The following ADCY2 variants were observed in gnomAD, a reference collection of about 807,000 sequenced individuals.
ADCY2 encodes the protein adenylate cyclase 2.
In ADCY2, 31 loss-of-function variants were observed where a neutral mutation model predicts 125.2. The ratio of observed to expected loss-of-function variants is 0.25; its 90% CI spans 0.19 to 0.33. ADCY2 has a LOEUF of 0.33. ADCY2 is among the 10% of genes least tolerant of loss of function. ADCY2 has a pLI of 1.00. For missense variants in ADCY2, 904 were observed against 1,418.2 expected, an observed-to-expected ratio of 0.64 and a Z score of 5.82; for synonymous variants, 512 against 548.4, an observed-to-expected ratio of 0.93 and a Z score of 0.93.
rs138237169 is a variant in ADCY2 at position 7,662,423 on chromosome 5, G to C, written c.721-28268G>C. On this transcript the variant is annotated intron_variant, in intron 4 of 24. Transcript: ENST00000338316. ...AGATAACAGCTGCTGCCCCCTCCAC[G>C]GCATAGTGGCCACCAGCACGGAAGT... Among the ~76,000 whole-genome samples the C allele has an allele frequency of 1.2e-3, 187 of 152,260 alleles. 2 individuals carry two copies. Among genetic ancestry groups the C allele is most frequent in the African/African-American group, 4.4e-3 (182 of 41,556 alleles).
intron 2 of ADCY2, among the ~76,000 whole-genome samples, chr5:7,427,437 G>A (rs1740426056): frequency 6.6e-6 from 1 of 152,184 alleles, no homozygotes; most frequent in Non-Finnish European, 1.5e-5. Flanking sequence ...TCACAAGACA[G>A]CAGCAGGGAG....
chr5:7,448,673 C>G (rs180685483), intron 2 of ADCY2, among the ~76,000 whole-genome samples: 2 of 152,182 alleles, frequency 1.3e-5, no homozygotes, highest in Admixed American at 1.3e-4. Context: ...GTTGTTCCCC[C>G]ACATGTGTCC....
chr5:7,704,746 C>A (rs11739425), intron 7 of ADCY2, among the ~76,000 whole-genome samples: 1 of 151,920 alleles, frequency 6.6e-6, no homozygotes, highest in Non-Finnish European at 1.5e-5. Context: ...GGCGGTTTGG[C>A]GTGCGCCTGT....
chr5:7,470,328 G>C (rs1417963794), intron 2 of ADCY2, among the ~76,000 whole-genome samples: 1 of 151,364 alleles, frequency 6.6e-6, no homozygotes, highest in Non-Finnish European at 1.5e-5. Flanking sequence ...TTGTCTCTCA[G>C]GGCTCACTTG....
chr5:7,786,086 G>A (rs1744075706), intron 19 of ADCY2, among the ~76,000 whole-genome samples: 1 of 152,024 alleles, frequency 6.6e-6, no homozygotes, highest in Non-Finnish European at 1.5e-5. Context: ...ACATCTAGAG[G>A]CCTAGAAAAA....
chr5:7,763,692 G>T (rs1743302544), intron 16 of ADCY2, among the ~76,000 whole-genome samples: 3 of 152,132 alleles, frequency 2.0e-5, no homozygotes, highest in Non-Finnish European at 4.4e-5. Flanking sequence ...TCTGTGTCTG[G>T]CTCCTTGCCC....
intron 17 of ADCY2, among the ~76,000 whole-genome samples, chr5:7,770,697 A>G (rs1408636469): frequency 6.6e-6 from 1 of 152,198 alleles, no homozygotes; most frequent in Non-Finnish European, 1.5e-5. Flanking sequence ...GGATCACTGA[A>G]TAAGAGCCTT....
At chr5:7,625,435 C>T (rs1237986909) in intron 3 of ADCY2, among the ~76,000 whole-genome samples, 3 of 152,098 alleles carry the variant, frequency 2.0e-5, no homozygotes, top group East Asian at 1.9e-4. Flanking sequence ...CAGACAAGGC[C>T]GTATGGAAAG....
At chr5:7,639,282 A>T (rs189371811) in intron 4 of ADCY2, among the ~76,000 whole-genome samples, 1 of 152,346 alleles carries the variant, frequency 6.6e-6, no homozygotes, top group African/African-American at 2.4e-5. Context: ...GTTCTGCACT[A>T]GCTTGCTCTT....
intron 2 of ADCY2, among the ~76,000 whole-genome samples, chr5:7,457,459 G>T (rs1468852757): frequency 1.3e-5 from 2 of 152,094 alleles, no homozygotes; most frequent in African/African-American, 4.8e-5. Context: ...GCTCTTCCAG[G>T]ATTCCTAGAG....
chr5:7,429,316 T>G (rs1371345965), intron 2 of ADCY2, among the ~76,000 whole-genome samples: 3 of 152,244 alleles, frequency 2.0e-5, no homozygotes, highest in Non-Finnish European at 4.4e-5. Context: ...CCATGTTTAC[T>G]CAGAGATTTT....
chr5:7,662,153 C>A (rs775009918), intron 4 of ADCY2, among the ~76,000 whole-genome samples: 11 of 152,134 alleles, frequency 7.2e-5, no homozygotes, highest in Admixed American at 2.0e-4. Context: ...GTTATTGGTA[C>A]AACACACACA....
intron 3 of ADCY2, among the ~76,000 whole-genome samples, chr5:7,560,899 G>A (rs1205634365): frequency 6.6e-6 from 1 of 152,112 alleles, no homozygotes; most frequent in Non-Finnish European, 1.5e-5. Context: ...TGTTGGCCAG[G>A]CTGGTCTCGA....
Position 7,615,397 on chromosome 5 carries a change from C to G in ADCY2, c.571-10770C>G, listed in dbSNP as rs190387710. 2.4e-3 allele frequency among the ~76,000 whole-genome samples: 373 copies of G among 152,272 alleles called. 1 individual carries two copies. The highest frequency in any genetic ancestry group is 3.1e-3 in the Non-Finnish European group (210 of 68,032). On this transcript the variant is annotated intron_variant, in intron 3 of 24. Transcript: ENST00000338316. ...TCATGTGACTTATAGCTCTTTCTTGCAAGCCATCTTTTTCAAGTGAGAACT... is the reference window on the plus strand; with the variant it reads ...TCATGTGACTTATAGCTCTTTCTTGGAAGCCATCTTTTTCAAGTGAGAACT...
At chr5:7,753,681 C>T (rs1742898391) in intron 15 of ADCY2, among the ~76,000 whole-genome samples, 1 of 152,170 alleles carries the variant, frequency 6.6e-6, no homozygotes, top group South Asian at 2.1e-4. Flanking sequence ...TCAAGGGTCT[C>T]CATTTTTCTT....
chr5:7,714,476 A>G (rs1434420678), intron 11 of ADCY2, among the ~76,000 whole-genome samples: 1 of 152,204 alleles, frequency 6.6e-6, no homozygotes, highest in Non-Finnish European at 1.5e-5. Context: ...TAGAAACTCT[A>G]ATTTGGTCTC....
intron 19 of ADCY2, among the ~76,000 whole-genome samples, chr5:7,787,730 G>A (rs4702495): frequency 0.31 from 47,086 of 151,952 alleles, 8,282 homozygotes; most frequent in Non-Finnish European, 0.4. Context: ...ATGTCATTTC[G>A]GTTCAGTACA....
intron 14 of ADCY2, among the ~76,000 whole-genome samples, chr5:7,733,868 A>T (rs767287556): frequency 4.6e-5 from 7 of 152,116 alleles, no homozygotes; most frequent in African/African-American, 7.2e-5. Flanking sequence ...TTTCTTTCCC[A>T]CATCTCAGAA....
rs765412657 is a variant in ADCY2, at chr5:7,789,756, G to A, written c.2584G>A (p.Ala862Thr). 14 of 1,612,526 alleles carry A rather than the reference G, an allele frequency of 8.7e-6. 1 individual carries two copies. Among genetic ancestry groups the A allele is most frequent in the African/African-American group, 5.4e-5 (4 of 74,712 alleles). ...NRVLLENVLP[A>T]HVAEHFLARS... Reference sequence around the variant, plus strand: ...CGTGCTGCTGGAGAACGTGCTTCCCGCGCACGTGGCTGAGCACTTCCTGGC... The same window carrying A: ...CGTGCTGCTGGAGAACGTGCTTCCCACGCACGTGGCTGAGCACTTCCTGGC... The change falls in exon 20 of 25, where the codon GCG becomes ACG. Residue 862 changes from alanine (A) to threonine (T), a missense_variant. By Grantham distance (58) the Ala-to-Thr change is moderately conservative (BLOSUM62 0). Coordinates refer to ENST00000338316, the MANE Select transcript of ADCY2 (RefSeq NM_020546.3).
Sources: allele counts gnomAD v4.1 joint callset (sites outside exome capture counted in the v4.1 genomes callset), GRCh38; gene constraint gnomAD v4.1.1; transcripts MANE v1.5; gene names NCBI Gene and HGNC (gene_info 2026-07-23, HGNC 2026-07-21).